The following STX8 variants were observed in gnomAD, a reference collection of about 807,000 sequenced individuals.
The protein encoded by STX8 is syntaxin-8.
STX8 carries 23 observed loss-of-function variants against 37.5 expected under a neutral mutation model. The observed-to-expected ratio is 0.61, with a 90% CI of 0.44 to 0.87. STX8 has a LOEUF of 0.87. Ranked by LOEUF, STX8 falls within the 40% of genes least tolerant of loss-of-function variation. The probability of loss-of-function intolerance (pLI) is 0.00; values close to 1 mark genes in which losing one functional copy is unlikely to be tolerated. For missense variants in STX8, 313 were observed against 284.7 expected, an observed-to-expected ratio of 1.10 and a Z score of -0.71; for synonymous variants, 115 against 99.1, an observed-to-expected ratio of 1.16 and a Z score of -0.95.
Position 9,376,911 on chromosome 17 carries a change from C to T in STX8, c.643+1641G>A, listed in dbSNP as rs371374426. Among the ~76,000 whole-genome samples, 63 of 152,284 alleles carry T rather than the reference C, an allele frequency of 4.1e-4. No individual in the cohort carries two copies. In the South Asian group the frequency reaches 8.1e-3, roughly 20 times the overall value. ...TCATCTTTAAAGTTTCAGGATCTATCATAGATAACAAAGTCCCTGTGGCCA... is the reference window on the plus strand; with the variant it reads ...TCATCTTTAAAGTTTCAGGATCTATTATAGATAACAAAGTCCCTGTGGCCA... On this transcript the variant is annotated intron_variant, in intron 7 of 7. Coordinates refer to ENST00000306357, the MANE Select transcript of STX8 (RefSeq NM_004853.3).
intron 7 of STX8, among the ~76,000 whole-genome samples, chr17:9,286,720 C>G (rs957933286): frequency 6.9e-6 from 1 of 145,468 alleles, no homozygotes; most frequent in African/African-American, 2.5e-5. Context: ...GTTAGCTGAA[C>G]TATGTGGCCC....
intron 7 of STX8, among the ~76,000 whole-genome samples, chr17:9,328,112 A>G (rs1016309075): frequency 1.5e-5 from 2 of 137,684 alleles, no homozygotes; most frequent in African/African-American, 5.6e-5. Flanking sequence ...AGATCTCACT[A>G]TGTTGCCCAG....
intron 4 of STX8, among the ~76,000 whole-genome samples, chr17:9,535,424 C>CCTTTTTTT (rs1905992804): frequency 9.7e-5 from 5 of 51,550 alleles, no homozygotes; most frequent in African/African-American, 3.7e-4. Context: ...AGCCATCCTA[C>CCTTTTTTT]TTTTTTTTTT....
intron 7 of STX8, among the ~76,000 whole-genome samples, chr17:9,286,645 A>G (rs1908082332): frequency 6.6e-6 from 1 of 151,902 alleles, no homozygotes; most frequent in African/African-American, 2.4e-5. Flanking sequence ...TGAGTCTTTA[A>G]ATGAAATAAA....
intron 1 of STX8, among the ~76,000 whole-genome samples, chr17:9,571,858 T>A (rs1234864658): frequency 6.6e-6 from 1 of 150,886 alleles, no homozygotes; most frequent in African/African-American, 2.4e-5. Context: ...GAGGTTGCAG[T>A]GAGCCAAGAT....
At chr17:9,518,948 A>G (rs4350604) in intron 4 of STX8, among the ~76,000 whole-genome samples, 20,878 of 151,980 alleles carry the variant, frequency 0.14, 1,897 homozygotes, top group Non-Finnish European at 0.2. Flanking sequence ...AATCAGACAC[A>G]TTCCCTTGAG....
intron 6 of STX8, among the ~76,000 whole-genome samples, chr17:9,425,839 C>A (rs1467437788): frequency 6.6e-6 from 1 of 152,156 alleles, no homozygotes; most frequent in African/African-American, 2.4e-5. Flanking sequence ...GGGACTTCAG[C>A]CCAGGCCAGA....
At chr17:9,464,101 T>C (rs964861734) in intron 6 of STX8, among the ~76,000 whole-genome samples, 6 of 152,084 alleles carry the variant, frequency 3.9e-5, no homozygotes, top group African/African-American at 1.4e-4. Flanking sequence ...AAAAGTCAAA[T>C]ATTTATCATG....
intron 7 of STX8, among the ~76,000 whole-genome samples, chr17:9,327,230 G>GGAA (rs1366152464): frequency 2.3e-3 from 337 of 147,902 alleles, no homozygotes; most frequent in African/African-American, 7.2e-3. Flanking sequence ...GGAAGAAGGA[G>GGAA]GAAGGAGGAC....
At chr17:9,333,143 G>T (rs1910015548) in intron 7 of STX8, among the ~76,000 whole-genome samples, 1 of 152,022 alleles carries the variant, frequency 6.6e-6, no homozygotes, top group Non-Finnish European at 1.5e-5. Context: ...ATACAGATTT[G>T]TCACATGGGT....
intron 7 of STX8, among the ~76,000 whole-genome samples, chr17:9,290,461 C>T (rs760558991): frequency 7.7e-4 from 117 of 152,176 alleles, no homozygotes; most frequent in Non-Finnish European, 1.4e-3. Flanking sequence ...TCAGCAAGCA[C>T]GTGTGCGCGT....
chr17:9,300,598 G>T (rs1330011846), intron 7 of STX8, among the ~76,000 whole-genome samples: 1 of 151,946 alleles, frequency 6.6e-6, no homozygotes, highest in East Asian at 1.9e-4. Context: ...CTGGTTATGA[G>T]TGTTATATGA....
At chr17:9,442,651 G>A (rs2142389172) in intron 6 of STX8, among the ~76,000 whole-genome samples, 1 of 152,240 alleles carries the variant, frequency 6.6e-6, no homozygotes, top group South Asian at 2.1e-4. Flanking sequence ...CATGGGATTT[G>A]CCCAACTCGA....
chr17:9,250,761 G>C lies in STX8; in HGVS notation c.644-116C>G, dbSNP rs17743659. 0.57 allele frequency: 621,569 copies of C among 1,098,264 alleles called. 181,724 individuals carry two copies. The highest frequency in any genetic ancestry group is 0.62 in the Non-Finnish European group (465,222 of 754,624). The allele number at this position is 1,098,264 out of a possible 1,614,324, so 68.0% of individuals were successfully genotyped here. A position where few individuals can be genotyped will look rare whatever the true frequency, so the allele number is the denominator to read the frequency against. On this transcript the variant is annotated intron_variant, in intron 7 of 7. Transcript: ENST00000306357. ...GTAGTTCCCTCTGAGCCTTCAGTTT[G>C]TACGAAGTGGAGAGAGGTGGTCGGT...
At position 9,507,916 on chromosome 17, in the gene STX8, A is replaced by T. The variant is rs572588782; in HGVS notation, c.324-2754T>A. Among the ~76,000 whole-genome samples, 1 of 152,350 alleles carries T rather than the reference A, an allele frequency of 6.6e-6. No individual in the cohort carries two copies. The highest frequency in any genetic ancestry group is 2.4e-5 in the African/African-American group (1 of 41,590). On this transcript the variant is annotated intron_variant, in intron 4 of 7. Coordinates refer to ENST00000306357, the MANE Select transcript of STX8 (RefSeq NM_004853.3). This position sits in a 1 kb window ranked among gnomAD's most constrained non-coding sequence, Gnocchi z 4.0. ...TGAACCAACACCCCAAGATCCATTC[A>T]TACAAATATTTCTTTCCCTGCAAAA...
At chr17:9,322,652 T>C (rs1203311272) in intron 7 of STX8, among the ~76,000 whole-genome samples, 1 of 152,122 alleles carries the variant, frequency 6.6e-6, no homozygotes, top group Non-Finnish European at 1.5e-5. Context: ...GTATGCTTCT[T>C]GTCCAGAGTT....
At chr17:9,566,913 A>G (rs528581303) in intron 2 of STX8, among the ~76,000 whole-genome samples, 16 of 152,374 alleles carry the variant, frequency 1.1e-4, no homozygotes, top group African/African-American at 3.8e-4. Context: ...AAAATGTGGT[A>G]CATATACACT....
intron 6 of STX8, among the ~76,000 whole-genome samples, chr17:9,437,488 TC>T (rs1319899157): frequency 6.6e-6 from 1 of 152,200 alleles, no homozygotes; most frequent in African/African-American, 2.4e-5. Context: ...TTTAACTGGC[TC>T]ATGAGTGAAA....
At chr17:9,504,469 A>G (rs1185667546) in intron 5 of STX8, among the ~76,000 whole-genome samples, 5 of 152,162 alleles carry the variant, frequency 3.3e-5, no homozygotes, top group African/African-American at 1.2e-4. Context: ...GCTAAAGTAA[A>G]GAGCATAAGC....
Sources: gnomAD v4.1 joint callset for allele counts (sites outside exome capture counted in the v4.1 genomes callset) on GRCh38, gnomAD v4.1.1 for gene constraint, Gnocchi (gnomAD v3.1) non-coding constraint, MANE v1.5 for transcripts, NCBI Gene and HGNC (gene_info 2026-07-23, HGNC 2026-07-21) for gene names.